The following NAALADL2 variants were observed in gnomAD, a reference collection of about 807,000 sequenced individuals.
NAALADL2 encodes the protein inactive N-acetylated-alpha-linked acidic dipeptidase-like protein 2.
Under a neutral mutation model 87.2 loss-of-function variants are expected in NAALADL2, and 76 were observed. The ratio of observed to expected loss-of-function variants is 0.87; its 90% CI spans 0.72 to 1.05. The LOEUF (loss-of-function observed/expected upper bound fraction) is 1.05, where lower values mean the gene tolerates loss of function less well. NAALADL2 is among the 50% of genes least tolerant of loss of function. The pLI is 0.00. For missense variants in NAALADL2, 1,089 were observed against 945.8 expected, an observed-to-expected ratio of 1.15 and a Z score of -1.99; for synonymous variants, 354 against 331.0, an observed-to-expected ratio of 1.07 and a Z score of -0.75.
Position 175,268,578 on chromosome 3 carries a change from T to C in NAALADL2, c.939+12048T>C, listed in dbSNP as rs192617288. 1.9e-3 allele frequency among the ~76,000 whole-genome samples: 291 copies of C among 152,236 alleles called. 3 individuals carry two copies. The highest frequency in any genetic ancestry group is 6.9e-3 in the African/African-American group (286 of 41,548). ...TATAGCTTTTTTACTTTATGAACTT[T>C]TTACTTTTTTAAACTGTTCAACTCT... is the stretch of plus-strand genomic sequence containing the variant. On this transcript the variant is annotated intron_variant, in intron 4 of 13. Coordinates refer to ENST00000454872, the MANE Select transcript of NAALADL2 (RefSeq NM_207015.3).
At chr3:174,967,267 A>G (rs1443934416) in intron 1 of NAALADL2, among the ~76,000 whole-genome samples, 1 of 152,082 alleles carries the variant, frequency 6.6e-6, no homozygotes, top group African/African-American at 2.4e-5. Context: ...GCAATAGGAT[A>G]AGCATAAATG....
At chr3:174,548,959 G>T (rs1473795572) in intron 1 of NAALADL2, among the ~76,000 whole-genome samples, 1 of 152,146 alleles carries the variant, frequency 6.6e-6, no homozygotes, top group Non-Finnish European at 1.5e-5. Flanking sequence ...TTCCACCTCA[G>T]CCTCCCGAGT....
At chr3:175,668,004 TCA>T (rs1248298563) in intron 11 of NAALADL2, among the ~76,000 whole-genome samples, 2 of 152,146 alleles carry the variant, frequency 1.3e-5, no homozygotes, top group African/African-American at 2.4e-5. Context: ...GCGCCCATCA[TCA>T]CACAGCACTG....
At position 175,152,803 on chromosome 3, in the gene NAALADL2, A is replaced by G. The variant is rs754037703; in HGVS notation, c.545+55512A>G. Reference sequence around the variant, plus strand: ...GCACCTGTAATCCCGGCTACTCAGGAGGCTGAGGCAGGAGAATTGCTTGAA... The same window carrying G: ...GCACCTGTAATCCCGGCTACTCAGGGGGCTGAGGCAGGAGAATTGCTTGAA... On this transcript the variant is annotated intron_variant, in intron 2 of 13. Coordinates refer to ENST00000454872, the MANE Select transcript of NAALADL2 (RefSeq NM_207015.3). Among the ~76,000 whole-genome samples, 4 of 152,000 alleles carry G rather than the reference A, an allele frequency of 2.6e-5. No individual in the cohort carries two copies. The East Asian group carries it at 5.8e-4, about 22-fold the overall frequency.
In NAALADL2 at chr3:174,519,326, C is replaced by CTTTTTTTTTTTTT. The variant is rs557612913; in HGVS notation, c.-183-31237_-183-31225dup. Among the ~76,000 whole-genome samples, 16 of 128,924 alleles carry CTTTTTTTTTTTTT rather than the reference C, an allele frequency of 1.2e-4. 1 individual carries two copies. The highest frequency in any genetic ancestry group is 4.4e-4 in the African/African-American group (15 of 34,154). 84.6% of individuals were successfully genotyped at this position (128,924 alleles called of 152,430 possible). The stretch of plus-strand genomic sequence containing the variant: ...AAACAAGTGAATGAATGAAGATTTC[C>CTTTTTTTTTTTTT]TTTTTTTTTTTTTTTTTTGAGACAG... On this transcript the variant is annotated intron_variant, in intron 1 of 3. Transcript: ENST00000434257.
intron 10 of NAALADL2, among the ~76,000 whole-genome samples, chr3:175,613,415 G>A (rs763454895): frequency 1.3e-5 from 2 of 152,272 alleles, no homozygotes; most frequent in Admixed American, 6.5e-5. Flanking sequence ...ATGGGCAAGC[G>A]AAGATTTTAA....
intron 2 of NAALADL2, among the ~76,000 whole-genome samples, chr3:174,554,576 A>G (rs987768101): frequency 1.3e-5 from 2 of 151,844 alleles, no homozygotes; most frequent in African/African-American, 4.9e-5. Context: ...AAAAAAATCT[A>G]TGAAGCATGT....
rs563951017 is a variant in NAALADL2, at chr3:175,233,961, T to C, written c.576T>C (p.Asp192=). ...TGGTACAACTATATAAAAATGAAGA[T>C]GACATGGAAATTTCAAAGAAGATTA... ...RNLVQLYKNE[D]DMEISKKIKT... Residue 192 remains aspartate, a synonymous_variant, in exon 3 of 14, where the codon GAT becomes GAC. Transcript: ENST00000454872. 1.3e-6 allele frequency: 2 copies of C among 1,595,928 alleles called. No homozygotes were observed. Among genetic ancestry groups the C allele is most frequent in the African/African-American group, 2.7e-5 (2 of 74,582 alleles).
At chr3:175,448,889 A>G (rs985289044) in intron 6 of NAALADL2, among the ~76,000 whole-genome samples, 1 of 151,806 alleles carries the variant, frequency 6.6e-6, no homozygotes, top group Non-Finnish European at 1.5e-5. Context: ...TAAAAAGTAT[A>G]TATTTTTGTA....
chr3:175,455,097 G>C (rs894852603), intron 6 of NAALADL2, among the ~76,000 whole-genome samples: 4 of 152,032 alleles, frequency 2.6e-5, no homozygotes, highest in African/African-American at 4.8e-5. Flanking sequence ...AGCTGTAAGA[G>C]AAGAGCTGTG....
chr3:174,630,784 G>A (rs1722036125), intron 2 of NAALADL2, among the ~76,000 whole-genome samples: 1 of 152,134 alleles, frequency 6.6e-6, no homozygotes, highest in Admixed American at 6.5e-5. Flanking sequence ...GCATGTCATT[G>A]CATTACATAT....
In NAALADL2 at chr3:175,808,637, G is replaced by T. The variant is rs1004906158; in HGVS notation, c.*5434G>T. The T allele has an allele frequency of 4.6e-5, 7 of 151,866 alleles. No individual in the cohort carries two copies. The highest frequency in any genetic ancestry group is 1.7e-4 in the African/African-American group (7 of 41,402). The allele number at this position is 151,866 out of a possible 1,614,324, so 9.4% of individuals were successfully genotyped here. ...GAAGGAAACAGATTTTATTTTCCAG[G>T]GGCTAATTAATATGCACCACCTAAG... On this transcript the variant is annotated 3_prime_UTR_variant, in exon 14 of 14. Transcript: ENST00000454872.
intron 9 of NAALADL2, among the ~76,000 whole-genome samples, chr3:175,575,430 T>G (rs113103715): frequency 0.13 from 19,274 of 151,990 alleles, 1,385 homozygotes; most frequent in Middle Eastern, 0.17. Flanking sequence ...AATTACAGGC[T>G]CCTGCCACCA....
chr3:175,509,729 G>A (rs984970829), intron 9 of NAALADL2, among the ~76,000 whole-genome samples: 1 of 152,224 alleles, frequency 6.6e-6, no homozygotes, highest in East Asian at 1.9e-4. Flanking sequence ...GAGAGACTGG[G>A]TAATTTATAA....
intron 2 of NAALADL2, among the ~76,000 whole-genome samples, chr3:174,604,775 C>CTT (rs957998680): frequency 2.1e-5 from 3 of 143,442 alleles, no homozygotes; most frequent in African/African-American, 5.1e-5. Context: ...TCTTTCTTTT[C>CTT]TTTTTTTTTT....
Position 174,481,899 on chromosome 3 carries a change from TG to T in NAALADL2, c.-184+40869del, listed in dbSNP as rs375313052. On this transcript the variant is annotated intron_variant, in intron 1 of 3. Coordinates refer to the NAALADL2 transcript ENST00000434257. ...GGGGGCTGGTCATGTCAGCATCCTCTGGCCAGGTGCATCCCAAAATTCCAGA... is the reference window on the plus strand; with the variant it reads ...GGGGGCTGGTCATGTCAGCATCCTCTGCCAGGTGCATCCCAAAATTCCAGA... Among the ~76,000 whole-genome samples the T allele has an allele frequency of 1.7e-3, 265 of 152,192 alleles. 1 individual carries two copies. The highest frequency in any genetic ancestry group is 6.2e-3 in the African/African-American group (259 of 41,556).
chr3:175,068,517 T>G (rs2109128322), intron 1 of NAALADL2, among the ~76,000 whole-genome samples: 1 of 152,238 alleles, frequency 6.6e-6, no homozygotes, highest in South Asian at 2.1e-4. Flanking sequence ...TTTGGAGAGA[T>G]AAGGAGATTC....
At chr3:175,011,280 CAGAGAGAGAGAGAGAG>C (rs139229550) in intron 1 of NAALADL2, among the ~76,000 whole-genome samples, 2 of 113,560 alleles carry the variant, frequency 1.8e-5, no homozygotes, top group Non-Finnish European at 3.4e-5. Context: ...GACAGAGAGA[CAGAGAGAGAGAGAGAG>C]AGAGAGAGAG....
At chr3:175,101,438 T>C (rs1722154384) in intron 2 of NAALADL2, among the ~76,000 whole-genome samples, 1 of 152,216 alleles carries the variant, frequency 6.6e-6, no homozygotes, top group African/African-American at 2.4e-5. Flanking sequence ...GAGAAAGCTC[T>C]TTAACTTAGA....
Sources: allele counts gnomAD v4.1 joint callset (sites outside exome capture counted in the v4.1 genomes callset), GRCh38; gene constraint gnomAD v4.1.1; transcripts MANE v1.5; gene names NCBI Gene and HGNC (gene_info 2026-07-23, HGNC 2026-07-21).